The following SPIDR variants were observed in gnomAD, a reference collection of about 807,000 sequenced individuals.
The protein encoded by SPIDR is DNA repair-scaffolding protein.
In SPIDR, 93 loss-of-function variants were observed where a neutral mutation model predicts 104.6. The ratio of observed to expected loss-of-function variants is 0.89; its 90% CI spans 0.75 to 1.06. The LOEUF is 1.06. Ranked by LOEUF, SPIDR falls within the 50% of genes least tolerant of loss-of-function variation. The pLI is 0.00. For missense variants in SPIDR, 1,154 were observed against 1,111.2 expected (o/e 1.04, Z -0.55); for synonymous variants, 431 against 416.9 (o/e 1.03, Z -0.41).
chr8:47,312,966 T>A (rs1554586641), intron 5 of SPIDR, among the ~76,000 whole-genome samples: 1 of 152,198 alleles, frequency 6.6e-6, no homozygotes, highest in Non-Finnish European at 1.5e-5. Flanking sequence ...CAGCACCATT[T>A]ATTAAATAGG....
At chr8:47,338,770 T>C (rs1169908173) in intron 5 of SPIDR, among the ~76,000 whole-genome samples, 2 of 152,176 alleles carry the variant, frequency 1.3e-5, no homozygotes, top group African/African-American at 2.4e-5. Context: ...TCAAATTATT[T>C]ATACATAAAG....
At chr8:47,373,193 A>ATT (rs2058246879) in intron 5 of SPIDR, among the ~76,000 whole-genome samples, 1 of 152,230 alleles carries the variant, frequency 6.6e-6, no homozygotes, top group African/African-American at 2.4e-5. Flanking sequence ...CTATTTCCTA[A>ATT]TTGAAAAGCA....
At chr8:47,673,293 G>C in intron 10 of SPIDR, 1 of 391,364 alleles carries the variant, frequency 2.6e-6, no homozygotes, top group Non-Finnish European at 5.1e-6. Flanking sequence ...ATCCTGCTGG[G>C]ATATGCGTGT....
Position 47,550,410 on chromosome 8 carries a change from C to T in SPIDR, c.1098-45401C>T, listed in dbSNP as rs189150346. 3.7e-3 allele frequency among the ~76,000 whole-genome samples: 570 copies of T among 152,226 alleles called. 1 individual carries two copies. The highest frequency in any genetic ancestry group is 0.02 in the Middle Eastern group (6 of 294). Reference sequence around the variant, plus strand: ...TTCCTATCCATGAGCATGGAATGTTCTTCCATTTGTTTGTGTCCTCTTTTA... The same window carrying T: ...TTCCTATCCATGAGCATGGAATGTTTTTCCATTTGTTTGTGTCCTCTTTTA... On this transcript the variant is annotated intron_variant, in intron 8 of 19. Transcript: ENST00000297423.
intron 5 of SPIDR, among the ~76,000 whole-genome samples, chr8:47,342,953 A>G (rs530054381): frequency 6.6e-6 from 1 of 152,286 alleles, no homozygotes; most frequent in South Asian, 2.1e-4. Context: ...AATTGTTGAG[A>G]CACACACTCT....
Position 47,260,953 on chromosome 8 carries a change from C to T in SPIDR, c.-6C>T, listed in dbSNP as rs2031944587. On this transcript the variant is annotated 5_prime_UTR_variant, in exon 1 of 20. Transcript: ENST00000297423. ...GAGGCGGTGCGCTCAGGCGGCGCTC[C>T]CGGAGATGCCCCGCGGCAGCCGCGC... The T allele has an allele frequency of 2.4e-6, 3 of 1,228,646 alleles. No homozygotes were observed. The highest frequency in any genetic ancestry group is 3.1e-5 in the African/African-American group (2 of 64,044). 76.1% of individuals were successfully genotyped at this position (1,228,646 alleles called of 1,614,324 possible).
intron 8 of SPIDR, among the ~76,000 whole-genome samples, chr8:47,461,766 G>C (rs574431953): frequency 6.6e-6 from 1 of 151,596 alleles, no homozygotes; most frequent in South Asian, 2.1e-4. Flanking sequence ...TCCTGAAGTT[G>C]TGATTTTTTT....
intron 14 of SPIDR, among the ~76,000 whole-genome samples, chr8:47,708,515 A>C (rs2081396139): frequency 6.6e-6 from 1 of 152,140 alleles, no homozygotes; most frequent in African/African-American, 2.4e-5. Flanking sequence ...ATGAACCTGC[A>C]TTGACACATC....
intron 7 of SPIDR, among the ~76,000 whole-genome samples, chr8:47,433,511 G>C (rs999092345): frequency 6.6e-6 from 1 of 152,202 alleles, no homozygotes; most frequent in African/African-American, 2.4e-5. Flanking sequence ...ACATGAATGG[G>C]CTGTTCTCTA....
chr8:47,635,776 G>T (rs530723806), intron 10 of SPIDR, among the ~76,000 whole-genome samples: 1 of 152,270 alleles, frequency 6.6e-6, no homozygotes, highest in East Asian at 1.9e-4. Flanking sequence ...AGGATATTTG[G>T]GTGAAGGTGC....
chr8:47,716,272 A>G (rs1330770823), intron 16 of SPIDR, among the ~76,000 whole-genome samples: 2 of 152,196 alleles, frequency 1.3e-5, no homozygotes, highest in Non-Finnish European at 1.5e-5. Flanking sequence ...TTCAAAGCAT[A>G]TCAAAATTCA....
chr8:47,390,747 A>C (rs2060488326), intron 5 of SPIDR, among the ~76,000 whole-genome samples: 1 of 152,072 alleles, frequency 6.6e-6, no homozygotes, highest in East Asian at 1.9e-4. Context: ...TTTCTCAAAG[A>C]ATTTTTCCAT....
At position 47,293,909 on chromosome 8, in the gene SPIDR, C is replaced by A; in HGVS notation, c.404C>A (p.Ala135Glu). ...FIDWEIDSDRAEASDCDEFED... is the reference protein window; with the variant it reads ...FIDWEIDSDREEASDCDEFED... ...GACTGGGAGATTGACAGTGACAGGG[C>A]AGAGGCTAGTGACTGTGATGAATTT... Residue 135 changes from alanine (A) to glutamate (E), a missense_variant, in exon 5 of 20, where the codon GCA becomes GAA. By Grantham distance (107) the Ala-to-Glu change is moderately radical (BLOSUM62 -1). Coordinates refer to ENST00000297423, the MANE Select transcript of SPIDR (RefSeq NM_001080394.4). The A allele has an allele frequency of 6.2e-7, 1 of 1,613,880 alleles. No homozygotes were observed. Among genetic ancestry groups the A allele is most frequent in the African/African-American group, 1.3e-5 (1 of 75,002 alleles).
At chr8:47,491,263 A>G (rs1436854629) in intron 8 of SPIDR, among the ~76,000 whole-genome samples, 1 of 152,136 alleles carries the variant, frequency 6.6e-6, no homozygotes, top group Non-Finnish European at 1.5e-5. Flanking sequence ...GTCAGAATAT[A>G]TATTGAATTA....
intron 10 of SPIDR, among the ~76,000 whole-genome samples, chr8:47,638,136 T>G (rs1588675534): frequency 6.6e-6 from 1 of 152,188 alleles, no homozygotes; most frequent in Admixed American, 6.6e-5. Flanking sequence ...TGTTTTGTTT[T>G]GTTTTGAGTA....
At chr8:47,516,129 C>A (rs550193394) in intron 8 of SPIDR, among the ~76,000 whole-genome samples, 1 of 152,294 alleles carries the variant, frequency 6.6e-6, no homozygotes, top group East Asian at 1.9e-4. Context: ...TTTTAAGACA[C>A]AAAGTCTGCC....
chr8:47,369,768 A>G (rs2057735480), intron 5 of SPIDR, among the ~76,000 whole-genome samples: 1 of 152,226 alleles, frequency 6.6e-6, no homozygotes, highest in South Asian at 2.1e-4. Context: ...TAAGAGCCTG[A>G]TCATTGGAGA....
intron 8 of SPIDR, chr8:47,592,745 A>G: frequency 3.9e-6 from 2 of 507,604 alleles, no homozygotes; most frequent in Middle Eastern, 3.4e-4. Context: ...ACCACCTCAG[A>G]CAATGTTATA....
chr8:47,352,278 CAAAAAAA>C (rs35556300), intron 5 of SPIDR, among the ~76,000 whole-genome samples: 1 of 130,850 alleles, frequency 7.6e-6, no homozygotes, highest in Non-Finnish European at 1.6e-5. Flanking sequence ...TCCATCTCAA[CAAAAAAA>C]AAAAAAAGAA....
Sources: allele counts gnomAD v4.1 joint callset (sites outside exome capture counted in the v4.1 genomes callset), GRCh38; gene constraint gnomAD v4.1.1; transcripts MANE v1.5; gene names NCBI Gene and HGNC (gene_info 2026-07-23, HGNC 2026-07-21).